MAGI1: variants seen among roughly 807,000 people sequenced by gnomAD.
The protein encoded by MAGI1 is membrane-associated guanylate kinase, WW and PDZ domain-containing protein 1.
MAGI1 carries 58 observed loss-of-function variants against 139.9 expected under a neutral mutation model. That is an observed-to-expected ratio of 0.41 (90% CI 0.34 to 0.52). The LOEUF (loss-of-function observed/expected upper bound fraction) is 0.52. Ranked by LOEUF, MAGI1 falls within the 20% of genes least tolerant of loss-of-function variation. MAGI1 has a pLI of 0.12. For missense variants in MAGI1, 1,874 were observed against 1,901.6 expected (o/e 0.99, Z 0.27); for synonymous variants, 812 against 737.9 (o/e 1.10, Z -1.63).
chr3:65,480,175 A>AC (rs1553651083), intron 3 of MAGI1, among the ~76,000 whole-genome samples: 2 of 148,916 alleles, frequency 1.3e-5, no homozygotes, highest in Non-Finnish European at 3.0e-5. Flanking sequence ...AAAAAAAAAA[A>AC]CACAAAAAAC....
chr3:65,991,306 G>T (rs201974569), intron 1 of MAGI1, among the ~76,000 whole-genome samples: 9 of 93,492 alleles, frequency 9.6e-5, no homozygotes, highest in African/African-American at 3.0e-4. Flanking sequence ...AAAAAAAAAG[G>T]TAAAAAAAAA....
intron 2 of MAGI1, among the ~76,000 whole-genome samples, chr3:65,621,581 C>A (rs2083670543): frequency 6.6e-6 from 1 of 152,150 alleles, no homozygotes; most frequent in South Asian, 2.1e-4. Flanking sequence ...AGGCCGCTGG[C>A]CAGGTCTACT....
At chr3:66,018,686 T>C (rs1243017251) in intron 1 of MAGI1, among the ~76,000 whole-genome samples, 1 of 152,204 alleles carries the variant, frequency 6.6e-6, no homozygotes, top group East Asian at 1.9e-4. Context: ...GGTGACCCTC[T>C]TTGCAGCCTT....
intron 13 of MAGI1, among the ~76,000 whole-genome samples, chr3:65,396,707 C>T (rs983314214): frequency 3.3e-5 from 5 of 152,170 alleles, no homozygotes; most frequent in African/African-American, 4.8e-5. Flanking sequence ...CTGCCAAGAG[C>T]GAAGGCTACT....
intron 1 of MAGI1, among the ~76,000 whole-genome samples, chr3:66,017,325 G>A (rs2067704991): frequency 2.0e-5 from 3 of 152,218 alleles, no homozygotes; most frequent in South Asian, 2.1e-4. Flanking sequence ...GCGCTGCAAT[G>A]AGCCAGGCTC....
chr3:65,551,553 G>A (rs371071021), intron 2 of MAGI1, among the ~76,000 whole-genome samples: 258 of 152,308 alleles, frequency 1.7e-3, no homozygotes, highest in African/African-American at 5.6e-3. Flanking sequence ...GCCCGCCTCG[G>A]CCTCCCAAAG....
At chr3:65,803,762 A>C (rs1264966634) in intron 1 of MAGI1, among the ~76,000 whole-genome samples, 1 of 152,084 alleles carries the variant, frequency 6.6e-6, no homozygotes, top group African/African-American at 2.4e-5. Flanking sequence ...ACGTGTTCTC[A>C]TCATTTAGCT....
At chr3:65,508,875 C>A (rs895132238) in intron 2 of MAGI1, among the ~76,000 whole-genome samples, 1 of 152,202 alleles carries the variant, frequency 6.6e-6, no homozygotes. Flanking sequence ...TCTGATTTGT[C>A]ATCCCTGTCA....
chr3:65,771,281 T>C (rs1054847883), intron 1 of MAGI1, among the ~76,000 whole-genome samples: 1 of 150,694 alleles, frequency 6.6e-6, no homozygotes, highest in Non-Finnish European at 1.5e-5. Context: ...CACTCCAGCC[T>C]GGGTGACAGA....
chr3:65,919,238 A>G (rs1182477052), intron 1 of MAGI1, among the ~76,000 whole-genome samples: 1 of 152,206 alleles, frequency 6.6e-6, no homozygotes, highest in Non-Finnish European at 1.5e-5. Flanking sequence ...TGTAAAAACA[A>G]TTTGATTTTC....
intron 1 of MAGI1, among the ~76,000 whole-genome samples, chr3:65,960,379 C>G (rs1356284385): frequency 6.6e-6 from 1 of 152,154 alleles, no homozygotes; most frequent in Non-Finnish European, 1.5e-5. Context: ...CCTCATACAA[C>G]CAAATCATAG....
chr3:65,961,826 G>A (rs2064440894), intron 1 of MAGI1, among the ~76,000 whole-genome samples: 1 of 152,184 alleles, frequency 6.6e-6, no homozygotes, highest in Non-Finnish European at 1.5e-5. Context: ...CTTCCTGTCA[G>A]GCTTCCCTTA....
intron 1 of MAGI1, among the ~76,000 whole-genome samples, chr3:65,893,450 C>A (rs2060846945): frequency 6.6e-6 from 1 of 151,986 alleles, no homozygotes; most frequent in African/African-American, 2.4e-5. Context: ...CGTTAAGTTT[C>A]TTCATGCATT....
At chr3:65,744,070 T>G (rs1026487690) in intron 1 of MAGI1, among the ~76,000 whole-genome samples, 1 of 152,230 alleles carries the variant, frequency 6.6e-6, no homozygotes, top group Non-Finnish European at 1.5e-5. Context: ...AATTGTTCAT[T>G]ACATTTCAAA....
intron 1 of MAGI1, among the ~76,000 whole-genome samples, chr3:65,901,880 T>C (rs1313445254): frequency 6.6e-6 from 1 of 152,204 alleles, no homozygotes; most frequent in Non-Finnish European, 1.5e-5. Context: ...AGTACATCCT[T>C]ATTTTGCTGC....
intron 1 of MAGI1, among the ~76,000 whole-genome samples, chr3:65,941,087 T>C (rs141063957): frequency 0.028 from 4,205 of 152,310 alleles, 205 homozygotes; most frequent in African/African-American, 0.096. Context: ...GGCTCATGCC[T>C]GTAATCCCAG....
intron 1 of MAGI1, among the ~76,000 whole-genome samples, chr3:65,854,283 A>T (rs2108408681): frequency 6.6e-6 from 1 of 152,324 alleles, no homozygotes; most frequent in South Asian, 2.1e-4. Context: ...CCCTGTTTCA[A>T]ATTTAAGACA....
At chr3:65,481,473 G>A (rs949885929) in intron 3 of MAGI1, among the ~76,000 whole-genome samples, 3 of 151,990 alleles carry the variant, frequency 2.0e-5, no homozygotes, top group Non-Finnish European at 4.4e-5. Flanking sequence ...TCTGCATAGT[G>A]AGAAAAAAAG....
Position 65,421,438 on chromosome 3 carries a change from T to C in MAGI1, c.2167+8082A>G, listed in dbSNP as rs530709194. 6.6e-5 allele frequency among the ~76,000 whole-genome samples: 10 copies of C among 152,258 alleles called. No individual in the cohort carries two copies. In the South Asian group the frequency reaches 1.9e-3, roughly 28 times the overall value. On this transcript the variant is annotated intron_variant, in intron 12 of 22. Coordinates refer to ENST00000402939, the MANE Select transcript of MAGI1 (RefSeq NM_001033057.2). ...TATTAGAAAATACAAGCACCACAGA[T>C]AGTGGTGAGTGAGGTCAATGAGTTT... is the stretch of plus-strand genomic sequence containing the variant.
Sources: gnomAD v4.1 joint callset for allele counts (sites outside exome capture counted in the v4.1 genomes callset) on GRCh38, gnomAD v4.1.1 for gene constraint, MANE v1.5 for transcripts, NCBI Gene and HGNC (gene_info 2026-07-23, HGNC 2026-07-21) for gene names.